PRRC2B: variants seen among roughly 807,000 people sequenced by gnomAD.
PRRC2B encodes proline rich coiled-coil 2B.
A neutral mutation model predicts 242.3 loss-of-function variants in PRRC2B; 68 were observed. The ratio of observed to expected loss-of-function variants is 0.28; its 90% CI spans 0.23 to 0.34. The LOEUF (loss-of-function observed/expected upper bound fraction) is 0.34. Among genes scored for constraint, PRRC2B ranks in the 10% least tolerant of loss-of-function variants. The pLI, the probability that PRRC2B is intolerant of heterozygous loss-of-function variation, is 1.00. For missense variants in PRRC2B, 2,835 were observed against 2,954.8 expected (o/e 0.96, Z 0.94); for synonymous variants, 1,228 against 1,173.6 (o/e 1.05, Z -0.95).
rs748905286 is a variant in PRRC2B, at chr9:131,465,073, A to G, written c.1715A>G (p.His572Arg). The change falls in exon 12 of 32, where the codon CAC (histidine) becomes CGC (arginine). Residue 572 changes from histidine (H) to arginine (R), a missense_variant. Coordinates refer to ENST00000683519, the MANE Select transcript of PRRC2B (RefSeq NM_013318.4). ...ASPQENGPAV[H>R]KGSPEFPAQE... The stretch of plus-strand genomic sequence containing the variant: ...CCCCAGGAAAACGGCCCTGCTGTCC[A>G]CAAAGGTAAGAGCTGGGCCGTCTTC... 4 of 1,612,034 alleles carry G rather than the reference A, an allele frequency of 2.5e-6. No individual in the cohort carries two copies. Among genetic ancestry groups the G allele is most frequent in the Non-Finnish European group, 3.4e-6 (4 of 1,178,676 alleles).
At position 131,394,282 on chromosome 9, in the gene PRRC2B, C is replaced by T. The variant is rs1312605583; in HGVS notation, c.-52+19C>T. On this transcript the variant is annotated intron_variant, in intron 1 of 31. Transcript: ENST00000683519. ...AGACCAGGTGGGTCGGGGCCGGGGC[C>T]GGGGCCGGGGCGTGGGGGCGGCGGC... The T allele has an allele frequency of 6.8e-6, 1 of 146,644 alleles. No individual in the cohort carries two copies. Among genetic ancestry groups the T allele is most frequent in the Non-Finnish European group, 1.5e-5 (1 of 65,702 alleles). The allele number at this position is 146,644 out of a possible 1,614,324, so 9.1% of individuals were successfully genotyped here.
chr9:131,402,639 A>G (rs923604210), intron 1 of PRRC2B, among the ~76,000 whole-genome samples: 1 of 152,096 alleles, frequency 6.6e-6, no homozygotes, highest in Non-Finnish European at 1.5e-5. Context: ...AGGGGGTCTT[A>G]TAGGAGCCCA....
chr9:131,449,861 A>G (rs1942854427), intron 9 of PRRC2B, among the ~76,000 whole-genome samples: 2 of 152,162 alleles, frequency 1.3e-5, no homozygotes, highest in East Asian at 1.9e-4. Context: ...TTAACTATTA[A>G]TTTTAGGTCT....
At chr9:131,450,006 G>T (rs1366072412) in intron 9 of PRRC2B, among the ~76,000 whole-genome samples, 1 of 152,112 alleles carries the variant, frequency 6.6e-6, no homozygotes, top group African/African-American at 2.4e-5. Flanking sequence ...TGGAACCTTT[G>T]CCAAAAGTCA....
At chr9:131,379,687 G>A (rs1836730979) in intron 1 of PRRC2B, among the ~76,000 whole-genome samples, 2 of 146,334 alleles carry the variant, frequency 1.4e-5, no homozygotes, top group Non-Finnish European at 3.0e-5. Flanking sequence ...GTGCAATGGT[G>A]CGATCACAGC....
At chr9:131,490,082 G>T (rs1251068742) in intron 28 of PRRC2B, among the ~76,000 whole-genome samples, 1 of 152,052 alleles carries the variant, frequency 6.6e-6, no homozygotes, top group African/African-American at 2.4e-5. Context: ...TCTGTCCCTG[G>T]AATTGAATCT....
In PRRC2B at chr9:131,495,920, G is replaced by A. The variant is rs756737442; in HGVS notation, c.*46G>A. 32 of 1,580,030 alleles carry A rather than the reference G, an allele frequency of 2.0e-5. No individual in the cohort carries two copies. Among genetic ancestry groups the A allele is most frequent in the African/African-American group, 5.4e-5 (4 of 74,416 alleles). ...GCCTCTCCCTACTGAGGACGGTGCC[G>A]CCATGCGGCCTCGACACAGCCGACA... On this transcript the variant is annotated 3_prime_UTR_variant, in exon 32 of 32. Transcript: ENST00000683519.
intron 1 of PRRC2B, among the ~76,000 whole-genome samples, chr9:131,412,772 A>G (rs1482907562): frequency 1.3e-5 from 2 of 150,660 alleles, no homozygotes; most frequent in African/African-American, 2.4e-5. Flanking sequence ...AAGGGCCAAG[A>G]ATAATCAAAG....
At chr9:131,439,227 C>T (rs931007874) in intron 5 of PRRC2B, among the ~76,000 whole-genome samples, 166 bp downstream of exon 5, 1 of 152,178 alleles carries the variant, frequency 6.6e-6, no homozygotes, top group Non-Finnish European at 1.5e-5. Flanking sequence ...GGCGCTGACT[C>T]TGTAGAGGTG....
In PRRC2B at chr9:131,494,622, AACCGGGAGCTGGGCC is replaced by A; in HGVS notation, c.6555+137_6555+151del. 2 of 569,616 alleles carry A rather than the reference AACCGGGAGCTGGGCC, an allele frequency of 3.5e-6. No individual in the cohort carries two copies. Among genetic ancestry groups the A allele is most frequent in the Non-Finnish European group, 6.2e-6 (2 of 321,960 alleles). The allele number at this position is 569,616 out of a possible 1,614,324, so 35.3% of individuals were successfully genotyped here. ...CCATGCCCTAGCGGTTAGAGCACAGAACCGGGAGCTGGGCCGCCCGCGTCCCTCCTGGCGAAGGCA... is the reference window on the plus strand; with the variant it reads ...CCATGCCCTAGCGGTTAGAGCACAGAGCCCGCGTCCCTCCTGGCGAAGGCA... On this transcript the variant is annotated intron_variant, in intron 31 of 31. Transcript: ENST00000683519. The surrounding 1 kb of genome is among the most constrained non-coding windows in gnomAD (Gnocchi z 4.3).
chr9:131,380,984 CA>C (rs1345657712), intron 1 of PRRC2B, among the ~76,000 whole-genome samples: 1 of 151,898 alleles, frequency 6.6e-6, no homozygotes, highest in Middle Eastern at 3.4e-3. Context: ...GTCGTTGTCT[CA>C]CTTTTTTGAC....
At position 131,464,856 on chromosome 9, in the gene PRRC2B, T is replaced by A; in HGVS notation, c.1498T>A (p.Ser500Thr). Residue 500 changes from serine to threonine, a missense_variant, in exon 12 of 32, where the codon TCC becomes ACC. Ser to Thr is a moderately conservative substitution (Grantham distance 58, BLOSUM62 1). Coordinates refer to ENST00000683519, the MANE Select transcript of PRRC2B (RefSeq NM_013318.4). ...PRQKFIQSEM[S>T]EAVERARKRR... The stretch of plus-strand genomic sequence containing the variant: ...GCAGAAGTTCATTCAGTCAGAGATG[T>A]CCGAGGCGGTGGAGCGAGCCCGAAA... The A allele has an allele frequency of 1.9e-6, 3 of 1,613,708 alleles. No individual in the cohort carries two copies. The highest frequency in any genetic ancestry group is 2.5e-6 in the Non-Finnish European group (3 of 1,179,846).
intron 1 of PRRC2B, among the ~76,000 whole-genome samples, chr9:131,411,924 C>T (rs991292844): frequency 3.9e-5 from 6 of 152,102 alleles, no homozygotes; most frequent in Admixed American, 6.5e-5. Context: ...AGGGAGTCTC[C>T]CAAGTAGCTG....
intron 9 of PRRC2B, among the ~76,000 whole-genome samples, chr9:131,452,350 C>CTGG: frequency 6.6e-6 from 1 of 152,034 alleles, no homozygotes; most frequent in East Asian, 1.9e-4. Context: ...TTTGCCCCTT[C>CTGG]AGTTTTCATT....
intron 4 of PRRC2B, among the ~76,000 whole-genome samples, chr9:131,438,549 T>G (rs1395833663): frequency 1.3e-5 from 2 of 152,186 alleles, no homozygotes; most frequent in Non-Finnish European, 2.9e-5. Flanking sequence ...CATGTTGGCC[T>G]TCTTTGTTCA....
rs184776247 is a variant in PRRC2B at position 131,455,153 on chromosome 9, G to A, written c.1198G>A (p.Gly400Ser). The A allele has an allele frequency of 5.6e-6, 9 of 1,613,418 alleles. No individual in the cohort carries two copies. The East Asian group carries it at 1.1e-4, about 20-fold the overall frequency. Residue 400 changes from glycine to serine, a missense_variant, in exon 10 of 32, where the codon GGC becomes AGC. Gly to Ser is a moderately conservative substitution (Grantham distance 56, BLOSUM62 0). Around this residue, in one of 7 missense-constraint regions of PRRC2B, gnomAD observed 626 missense variants for 685.5 expected, o/e 0.91. Coordinates refer to ENST00000683519, the MANE Select transcript of PRRC2B (RefSeq NM_013318.4). The part of the protein sequence containing the change: ...DEEEEEVVKD[G>S]RPKWNSWDPR... ...AGAGGAGGAAGAAGTTGTGAAGGAC[G>A]GCAGGCCAAAGTGGTAAGGACCCGT...
At chr9:131,478,649 G>GGGGGGCCCCGGGGC in intron 18 of PRRC2B, 30 bp downstream of exon 18, 1 of 504,560 alleles carries the variant, frequency 2.0e-6, no homozygotes, top group Non-Finnish European at 4.0e-6. Context: ...GGGGCATGGG[G>GGGGGGCCCCGGGGC]CTGGAGGGCA....
intron 9 of PRRC2B, 100 bp downstream of exon 9, chr9:131,447,904 G>A: frequency 7.6e-7 from 1 of 1,311,748 alleles, no homozygotes; most frequent in Non-Finnish European, 1.0e-6. Context: ...GTTTTCCCTT[G>A]GCAAGATAGG....
chr9:131,445,106 A>G (rs1412087919), intron 6 of PRRC2B, among the ~76,000 whole-genome samples: 1 of 151,754 alleles, frequency 6.6e-6, no homozygotes, highest in Non-Finnish European at 1.5e-5. Context: ...GATGTGTCTT[A>G]CTTAAACCAG....
Sources: allele counts gnomAD v4.1 joint callset (sites outside exome capture counted in the v4.1 genomes callset), GRCh38; gene constraint gnomAD v4.1.1; regional missense constraint gnomAD v4.1.1; non-coding constraint Gnocchi (gnomAD v3.1); transcripts MANE v1.5; gene names NCBI Gene and HGNC (gene_info 2026-07-23, HGNC 2026-07-21).